Variants in SCN3A observed in about 807,000 individuals in gnomAD.
SCN3A encodes the protein sodium channel protein type 3 subunit alpha.
SCN3A carries 60 observed loss-of-function variants against 187.6 expected under a neutral mutation model. The ratio of observed to expected loss-of-function variants is 0.32; its 90% CI spans 0.26 to 0.40. The LOEUF (loss-of-function observed/expected upper bound fraction) is 0.40, where lower values mean the gene tolerates loss of function less well. Ranked by LOEUF, SCN3A falls within the 10% of genes least tolerant of loss-of-function variation. The pLI is 1.00. For synonymous variants in SCN3A, 788 were observed against 829.2 expected (o/e 0.95, Z 0.85); for missense variants, 1,601 against 2,428.2 (o/e 0.66, Z 7.16).
At chr2:165,201,027 C>T (rs530194378) in intron 1 of SCN3A, among the ~76,000 whole-genome samples, 4 of 152,134 alleles carry the variant, frequency 2.6e-5, no homozygotes, top group African/African-American at 7.2e-5. Flanking sequence ...AATTACTTGG[C>T]GTTTAAATGT....
rs1444804202 is a variant in SCN3A, at chr2:165,089,055, A to G, written c.*1095T>C. ...TGAGTAAAATAGAGCAGCATAGGCA[A>G]TATTAACATGCATTAGTGATAGCCT... On this transcript the variant is annotated 3_prime_UTR_variant, in exon 28 of 28. Transcript: ENST00000283254. 1 of 152,606 alleles carries G rather than the reference A, an allele frequency of 6.6e-6. No homozygotes were observed. The highest frequency in any genetic ancestry group is 1.9e-4 in the East Asian group (1 of 5,190). 9.5% of individuals were successfully genotyped at this position (152,606 alleles called of 1,614,324 possible). A position where few individuals can be genotyped will look rare whatever the true frequency, so the allele number is the denominator to read the frequency against.
intron 1 of SCN3A, among the ~76,000 whole-genome samples, chr2:165,198,240 G>A (rs900943749): frequency 1.3e-5 from 2 of 151,868 alleles, no homozygotes; most frequent in Admixed American, 6.6e-5. Flanking sequence ...TTAATATTGG[G>A]AAGAAAACTA....
intron 18 of SCN3A, 134 bp from the exon 19 acceptor site, chr2:165,115,709 T>A (rs1425352458): frequency 3.6e-6 from 3 of 827,728 alleles, no homozygotes; most frequent in Non-Finnish European, 6.2e-6. Context: ...GATCATTATG[T>A]ACTAATAATT....
At position 165,097,539 on chromosome 2, in the gene SCN3A, G is replaced by A. The variant is rs200219453; in HGVS notation, c.3967-15C>T. ...TTCACAACCACCTAGAAGAGACAGC[G>A]AGGGGAACATAGCTTACAAACCTTT... On this transcript the variant is annotated splice_polypyrimidine_tract_variant and intron_variant, in intron 22 of 27. Transcript: ENST00000283254. 4.8e-5 allele frequency: 77 copies of A among 1,612,838 alleles called. No individual in the cohort carries two copies. Among genetic ancestry groups the A allele is most frequent in the East Asian group, 3.8e-4 (17 of 44,876 alleles).
intron 2 of SCN3A, among the ~76,000 whole-genome samples, chr2:165,180,540 T>C (rs910867365): frequency 1.3e-5 from 2 of 151,466 alleles, no homozygotes; most frequent in African/African-American, 4.9e-5. Flanking sequence ...AAAGGATTGG[T>C]AGGAAGACAC....
At chr2:165,135,155 T>C (rs1687588873) in intron 15 of SCN3A, among the ~76,000 whole-genome samples, 1 of 152,084 alleles carries the variant, frequency 6.6e-6, no homozygotes, top group Admixed American at 6.6e-5. Context: ...TAACCTACTA[T>C]GATTGATAGG....
At chr2:165,096,158 A>T (rs1377480938) in intron 24 of SCN3A, among the ~76,000 whole-genome samples, 1 of 152,052 alleles carries the variant, frequency 6.6e-6, no homozygotes, top group Non-Finnish European at 1.5e-5. Context: ...GGTTTATCAT[A>T]CTCTCCAGGG....
At position 165,113,870 on chromosome 2, in the gene SCN3A, G is replaced by A. The variant is rs1326759340; in HGVS notation, c.3615C>T (p.His1205=). 1 of 1,613,922 alleles carries A rather than the reference G, an allele frequency of 6.2e-7. No individual in the cohort carries two copies. Among genetic ancestry groups the A allele is most frequent in the Non-Finnish European group, 8.5e-7 (1 of 1,179,880 alleles). Residue 1205 remains histidine (H), a synonymous_variant, in exon 20 of 28, where the codon CAC becomes CAT. Coordinates refer to ENST00000283254, the MANE Select transcript of SCN3A (RefSeq NM_006922.4). ...ACACAATGAAAGTCTCAAACCAGTTGTGCTCAACAATACTGTAGCAGGTTT... is the reference window on the plus strand; with the variant it reads ...ACACAATGAAAGTCTCAAACCAGTTATGCTCAACAATACTGTAGCAGGTTT... The part of the protein sequence containing the change: ...LRKTCYSIVE[H]NWFETFIVFM...
chr2:165,104,534 T>G (rs1434497981), intron 21 of SCN3A, among the ~76,000 whole-genome samples: 1 of 149,046 alleles, frequency 6.7e-6, no homozygotes, highest in East Asian at 2.0e-4. Flanking sequence ...CAAACAAAAT[T>G]CTCCAACTAA....
chr2:165,131,344 T>C lies in SCN3A; in HGVS notation c.2465A>G (p.Glu822Gly). The C allele has an allele frequency of 6.2e-7, 1 of 1,608,226 alleles. No individual in the cohort carries two copies. Among genetic ancestry groups the C allele is most frequent in the Non-Finnish European group, 8.5e-7 (1 of 1,176,468 alleles). The change falls in exon 16 of 28, where the codon GAA (glutamate) becomes GGA (glycine). Residue 822 changes from glutamate to glycine, a missense_variant. By Grantham distance (98) the Glu-to-Gly change is moderately conservative (BLOSUM62 -2). Around this residue, in one of 11 missense-constraint regions of SCN3A, gnomAD observed 376 missense variants for 476.0 expected, o/e 0.79. Coordinates refer to ENST00000283254, the MANE Select transcript of SCN3A (RefSeq NM_006922.4). ...IAMDPYYYFQ[E>G]GWNIFDGIIV... Reference sequence around the variant, plus strand: ...AATTCCATCAAAGATATTCCAGCCTTCTTGGAAATAGTAATAAGGATCCAT... The same window carrying C: ...AATTCCATCAAAGATATTCCAGCCTCCTTGGAAATAGTAATAAGGATCCAT...
At position 165,158,385 on chromosome 2, in the gene SCN3A, C is replaced by T. The variant is rs1689186310; in HGVS notation, c.1032-2482G>A. Among the ~76,000 whole-genome samples, 2 of 137,230 alleles carry T rather than the reference C, an allele frequency of 1.5e-5. 1 individual carries two copies. The highest frequency in any genetic ancestry group is 5.7e-4 in the East Asian group (2 of 3,520). The allele number at this position is 137,230 out of a possible 152,430, so 90.0% of individuals were successfully genotyped here. A position where few individuals can be genotyped will look rare whatever the true frequency, so the allele number is the denominator to read the frequency against. Reference sequence around the variant, plus strand: ...TTTTTGTCACATATTCCATTTCTTCCTGGGATCCCCAAACCTCACAAAAGA... The same window carrying T: ...TTTTTGTCACATATTCCATTTCTTCTTGGGATCCCCAAACCTCACAAAAGA... On this transcript the variant is annotated intron_variant, in intron 9 of 27. Transcript: ENST00000283254.
intron 15 of SCN3A, among the ~76,000 whole-genome samples, chr2:165,135,521 C>G (rs1444211948): frequency 6.6e-6 from 1 of 152,040 alleles, no homozygotes; most frequent in African/African-American, 2.4e-5. Flanking sequence ...AAGCTCTCCA[C>G]AAAACATTCT....
At chr2:165,172,021 C>T (rs1385936728) in intron 3 of SCN3A, among the ~76,000 whole-genome samples, 2 of 152,074 alleles carry the variant, frequency 1.3e-5, no homozygotes, top group Admixed American at 6.6e-5. Context: ...ATATGCCATA[C>T]ATTTATGTTC....
chr2:165,155,548 C>T (rs549440696), intron 10 of SCN3A, among the ~76,000 whole-genome samples: 14 of 152,074 alleles, frequency 9.2e-5, no homozygotes, highest in African/African-American at 3.1e-4. Flanking sequence ...TACAGATGGG[C>T]GCCACCATGC....
intron 5 of SCN3A, among the ~76,000 whole-genome samples, chr2:165,164,914 A>G (rs1689644744): frequency 6.6e-6 from 1 of 152,154 alleles, no homozygotes; most frequent in Non-Finnish European, 1.5e-5. Flanking sequence ...TATTTTTTAT[A>G]CTGCATTTTA....
chr2:165,116,943 ATTTTTTTT>A (rs11395597), intron 18 of SCN3A, among the ~76,000 whole-genome samples: 2 of 118,194 alleles, frequency 1.7e-5, no homozygotes, highest in South Asian at 5.8e-4. Flanking sequence ...TGATAGCACA[ATTTTTTTT>A]TTTTTTTTTT....
intron 2 of SCN3A, among the ~76,000 whole-genome samples, chr2:165,181,645 C>T (rs761138460): frequency 6.6e-6 from 1 of 152,126 alleles, no homozygotes; most frequent in Non-Finnish European, 1.5e-5. Context: ...CCTGAAGTGA[C>T]AGGCTTTCCC....
Position 165,155,756 on chromosome 2 carries a change from C to T in SCN3A, c.1173+6G>A, listed in dbSNP as rs1688983847. The T allele has an allele frequency of 5.6e-6, 9 of 1,613,870 alleles. No individual in the cohort carries two copies. In the Admixed American group the frequency reaches 1.0e-4, roughly 18 times the overall value. Reference sequence around the variant, plus strand: ...TAAATGTTATGCATGCTCATTTGGACCTTACCAACTGGTAAAGATTTTCCC... The same window carrying T: ...TAAATGTTATGCATGCTCATTTGGATCTTACCAACTGGTAAAGATTTTCCC... On this transcript the variant is annotated splice_donor_region_variant and intron_variant, in intron 10 of 27. Coordinates refer to ENST00000283254, the MANE Select transcript of SCN3A (RefSeq NM_006922.4).
At chr2:165,109,690 C>A (rs560102420) in intron 21 of SCN3A, among the ~76,000 whole-genome samples, 8 of 152,306 alleles carry the variant, frequency 5.3e-5, no homozygotes, top group African/African-American at 1.9e-4. Flanking sequence ...TTGCCTCCCC[C>A]TCTCCATAGC....
Sources: gnomAD v4.1 joint callset for allele counts (sites outside exome capture counted in the v4.1 genomes callset) on GRCh38, gnomAD v4.1.1 for gene constraint, gnomAD v4.1.1 regional missense constraint, MANE v1.5 for transcripts, NCBI Gene and HGNC (gene_info 2026-07-23, HGNC 2026-07-21) for gene names.